The following SLC4A8 variants were observed in gnomAD, a reference collection of about 807,000 sequenced individuals.
SLC4A8 encodes the protein solute carrier family 4 member 8.
In SLC4A8, 40 loss-of-function variants were observed where a neutral mutation model predicts 125.0. That is an observed-to-expected ratio of 0.32 (90% CI 0.25 to 0.42). The LOEUF is 0.42. Among genes scored for constraint, SLC4A8 ranks in the 10% least tolerant of loss-of-function variants. The pLI, the probability that SLC4A8 is intolerant of heterozygous loss-of-function variation, is 1.00. For missense variants in SLC4A8, 863 were observed against 1,355.1 expected (o/e 0.64, Z 5.70); for synonymous variants, 456 against 476.0 (o/e 0.96, Z 0.55).
intron 2 of SLC4A8, chr12:51,441,012 G>A (rs1949576865): frequency 3.5e-6 from 4 of 1,132,370 alleles, no homozygotes; most frequent in South Asian, 2.9e-5. Flanking sequence ...CTACATGGGA[G>A]ATAGTGCTTT....
intron 4 of SLC4A8, among the ~76,000 whole-genome samples, chr12:51,452,791 GC>G (rs1950008721): frequency 6.6e-6 from 1 of 152,220 alleles, no homozygotes; most frequent in Non-Finnish European, 1.5e-5. Flanking sequence ...GAATAATTAT[GC>G]TTCTCTGAGA....
intron 11 of SLC4A8, among the ~76,000 whole-genome samples, chr12:51,468,459 A>T (rs1950587833): frequency 6.6e-6 from 1 of 152,200 alleles, no homozygotes; most frequent in African/African-American, 2.4e-5. Flanking sequence ...TAAAGTTTTA[A>T]TTCCTTAAAA....
In SLC4A8 at chr12:51,512,594, T is replaced by C. The variant is rs1411818225; in HGVS notation, c.*5156T>C. On this transcript the variant is annotated 3_prime_UTR_variant, in exon 25 of 25. Transcript: ENST00000453097. ...GTGGTGAAAGAGTCAAGGTGGGCAG[T>C]GTTTGGGGTAGGAAATGAGTAGTGG... 2 of 152,194 alleles carry C rather than the reference T, an allele frequency of 1.3e-5. No homozygotes were observed. The highest frequency in any genetic ancestry group is 1.9e-4 in the East Asian group (1 of 5,194). The allele number at this position is 152,194 out of a possible 1,614,324, so 9.4% of individuals were successfully genotyped here.
At chr12:51,467,199 A>C (rs536523228) in intron 11 of SLC4A8, among the ~76,000 whole-genome samples, 4 of 152,306 alleles carry the variant, frequency 2.6e-5, no homozygotes, top group African/African-American at 9.6e-5. Flanking sequence ...ACAAAGTGAC[A>C]CTTTATTACT....
At chr12:51,497,563 C>CCG in intron 22 of SLC4A8, 1 of 155,376 alleles carries the variant, frequency 6.4e-6, no homozygotes, top group South Asian at 1.9e-4. Flanking sequence ...TCATTTCCCT[C>CCG]AGCACTTGGC....
chr12:51,394,286 G>A (rs1216675930), intron 1 of SLC4A8, among the ~76,000 whole-genome samples: 2 of 152,260 alleles, frequency 1.3e-5, no homozygotes, highest in African/African-American at 4.8e-5. Flanking sequence ...TTTTACTTCA[G>A]CTGACGCTGA....
chr12:51,461,340 A>T (rs1408383677), intron 9 of SLC4A8, 49 bp downstream of exon 9: 2 of 1,063,442 alleles, frequency 1.9e-6, no homozygotes, highest in South Asian at 2.5e-5. Flanking sequence ...TATTTATTGA[A>T]TATTTACTCT....
In SLC4A8 at chr12:51,461,476, C is replaced by T. The variant is rs557212778; in HGVS notation, c.1101+185C>T. On this transcript the variant is annotated intron_variant, in intron 9 of 24. Coordinates refer to ENST00000453097, the MANE Select transcript of SLC4A8 (RefSeq NM_001039960.3). Reference sequence around the variant, plus strand: ...GACCAAGCTCTAGAGGATTTTTCTTCCTATGTTATCTCTCCTTTTTTGAGT... The same window carrying T: ...GACCAAGCTCTAGAGGATTTTTCTTTCTATGTTATCTCTCCTTTTTTGAGT... 3.7e-4 allele frequency: 170 copies of T among 463,856 alleles called. No individual in the cohort carries two copies. In the East Asian group the frequency reaches 4.0e-3, roughly 11 times the overall value. 28.7% of individuals were successfully genotyped at this position (463,856 alleles called of 1,614,324 possible).
chr12:51,431,170 T>G (rs188283164), intron 1 of SLC4A8, among the ~76,000 whole-genome samples: 2 of 152,292 alleles, frequency 1.3e-5, no homozygotes, highest in East Asian at 3.9e-4. Flanking sequence ...GCTTTTGTCA[T>G]CACATTTTTC....
intron 1 of SLC4A8, among the ~76,000 whole-genome samples, chr12:51,398,156 T>A (rs1948301447): frequency 6.6e-6 from 1 of 152,182 alleles, no homozygotes; most frequent in Non-Finnish European, 1.5e-5. Flanking sequence ...AGCCACTACT[T>A]TTTGCAAGTC....
chr12:51,509,089 C>T lies in SLC4A8; in HGVS notation c.*1651C>T, dbSNP rs1470919642. Reference sequence around the variant, plus strand: ...TGGTACAGGACAGATGCCAGCCACTCAGAAGGGATGCCTGCTGTAAACAAG... The same window carrying T: ...TGGTACAGGACAGATGCCAGCCACTTAGAAGGGATGCCTGCTGTAAACAAG... On this transcript the variant is annotated 3_prime_UTR_variant, in exon 25 of 25. Coordinates refer to ENST00000453097, the MANE Select transcript of SLC4A8 (RefSeq NM_001039960.3). 1 of 152,632 alleles carries T rather than the reference C, an allele frequency of 6.6e-6. No individual in the cohort carries two copies. The highest frequency in any genetic ancestry group is 1.5e-5 in the Non-Finnish European group (1 of 68,042). The allele number at this position is 152,632 out of a possible 1,614,324, so 9.5% of individuals were successfully genotyped here.
chr12:51,485,395 A>C (rs1189209056), intron 16 of SLC4A8, among the ~76,000 whole-genome samples: 2 of 150,920 alleles, frequency 1.3e-5, no homozygotes, highest in African/African-American at 5.0e-5. Context: ...TAGGACTTGC[A>C]AATAGACTGG....
chr12:51,422,377 T>C (rs1211005881), upstream of SLC4A8, among the ~76,000 whole-genome samples: 6 of 152,216 alleles, frequency 3.9e-5, no homozygotes, highest in Admixed American at 3.3e-4. Context: ...TTATTTATTT[T>C]TTATTTTTTT....
intron 16 of SLC4A8, among the ~76,000 whole-genome samples, chr12:51,478,913 T>C (rs547890091): frequency 7.1e-6 from 1 of 141,126 alleles, no homozygotes; most frequent in South Asian, 2.4e-4. Context: ...GCTGTGGACC[T>C]TGGGCAAGTC....
At chr12:51,412,513 T>TG (rs1379706035) in intron 1 of SLC4A8, among the ~76,000 whole-genome samples, 1 of 152,262 alleles carries the variant, frequency 6.6e-6, no homozygotes, top group Admixed American at 6.5e-5. Context: ...ACTGTGCTAT[T>TG]GGACACTAGA....
chr12:51,486,485 G>T (rs4761973), intron 17 of SLC4A8, among the ~76,000 whole-genome samples: 1 of 151,946 alleles, frequency 6.6e-6, no homozygotes, highest in Admixed American at 6.6e-5. Flanking sequence ...CTAATATATG[G>T]TATTTTTCAA....
At chr12:51,493,228 T>A (rs1951364848) in intron 19 of SLC4A8, among the ~76,000 whole-genome samples, 1 of 152,170 alleles carries the variant, frequency 6.6e-6, no homozygotes, top group South Asian at 2.1e-4. Context: ...CCATTACCTC[T>A]TTGATAAGAT....
At chr12:51,482,669 C>T (rs1951061109) in intron 16 of SLC4A8, among the ~76,000 whole-genome samples, 1 of 152,130 alleles carries the variant, frequency 6.6e-6, no homozygotes, top group South Asian at 2.1e-4. Context: ...CGTGAGCCAC[C>T]GTGCCTGGCC....
At chr12:51,484,774 G>A (rs1248215942) in intron 16 of SLC4A8, among the ~76,000 whole-genome samples, 2 of 152,120 alleles carry the variant, frequency 1.3e-5, no homozygotes, top group African/African-American at 4.8e-5. Flanking sequence ...TAAATTGGAT[G>A]GGAATCTCCA....
Sources: gnomAD v4.1 joint callset for allele counts (sites outside exome capture counted in the v4.1 genomes callset) on GRCh38, gnomAD v4.1.1 for gene constraint, MANE v1.5 for transcripts, NCBI Gene and HGNC (gene_info 2026-07-23, HGNC 2026-07-21) for gene names.